Variants in CFAP47 observed in about 807,000 individuals in gnomAD.
CFAP47 encodes the protein cilia- and flagella-associated protein 47.
Under a neutral mutation model 148.1 loss-of-function variants are expected in CFAP47, and 29 were observed. That is an observed-to-expected ratio of 0.20 (90% CI 0.15 to 0.27). The LOEUF (loss-of-function observed/expected upper bound fraction) is 0.27. Among genes scored for constraint, CFAP47 ranks in the 10% least tolerant of loss-of-function variants. The pLI, the probability that CFAP47 is intolerant of heterozygous loss-of-function variation, is 1.00. For missense variants in CFAP47, 1,872 were observed against 1,697.5 expected (o/e 1.10, Z -1.81); for synonymous variants, 664 against 577.3 (o/e 1.15, Z -2.15).
chrX:35,980,091 A>G (rs1461278254), intron 15 of CFAP47, among the ~76,000 whole-genome samples: 1 of 111,878 alleles, frequency 8.9e-6, no homozygotes, highest in Non-Finnish European at 1.9e-5. Flanking sequence ...CTCTGGGGCA[A>G]TAAGCAAGTG....
At position 36,201,319 on chromosome X, in the gene CFAP47, A is replaced by G. The variant is rs902946024; in HGVS notation, c.6482A>G (p.Tyr2161Cys). The G allele has an allele frequency of 3.4e-6, 1 of 295,605 alleles. No homozygotes were observed. Among genetic ancestry groups the G allele is most frequent in the Admixed American group, 6.2e-5 (1 of 16,134 alleles). The allele number at this position is 295,605 out of a possible 1,213,427, so 24.4% of individuals were successfully genotyped here. A position where few individuals can be genotyped will look rare whatever the true frequency, so the allele number is the denominator to read the frequency against. Residue 2161 changes from tyrosine to cysteine, a missense_variant, in exon 44 of 64, where the codon TAT (tyrosine) becomes TGT (cysteine). By Grantham distance (194) the Tyr-to-Cys change is radical. Transcript: ENST00000378653. ...GTTCTGTATTTGAAATGCAAACCCT[A>G]TCAAATCCTGTATGTGGACCTTAAA... ...YPVLYLKCKP[Y>C]QILYVDLKLP...
At chrX:36,343,682 A>G (rs1457645504) in intron 57 of CFAP47, among the ~76,000 whole-genome samples, 2 of 111,915 alleles carry the variant, frequency 1.8e-5, no homozygotes, top group Non-Finnish European at 3.8e-5. Flanking sequence ...GAACCAACCC[A>G]AATGCCCATC....
intron 26 of CFAP47, among the ~76,000 whole-genome samples, chrX:36,055,894 A>G (rs1937550861): frequency 9.1e-6 from 1 of 109,869 alleles, no homozygotes; most frequent in Non-Finnish European, 1.9e-5. Flanking sequence ...TTTGATTTGC[A>G]TTTCTCTAAT....
At chrX:36,296,748 C>G (rs1941246252) in intron 51 of CFAP47, among the ~76,000 whole-genome samples, 1 of 111,730 alleles carries the variant, frequency 9.0e-6, no homozygotes, top group Non-Finnish European at 1.9e-5. Context: ...TCATTTCCAT[C>G]TTCTGTCTTA....
intron 15 of CFAP47, among the ~76,000 whole-genome samples, chrX:35,982,372 T>C (rs899175523): frequency 5.4e-5 from 6 of 111,889 alleles, no homozygotes; most frequent in African/African-American, 1.6e-4. Flanking sequence ...TTTTGTCAGA[T>C]ACGTAGTTTG....
chrX:36,072,590 A>G (rs1458342910), intron 28 of CFAP47, among the ~76,000 whole-genome samples: 3 of 112,318 alleles, frequency 2.7e-5, no homozygotes, highest in Non-Finnish European at 5.6e-5. Context: ...ATTAAATAAT[A>G]TGAGGTTTTT....
chrX:36,166,445 CT>C (rs1362500282), intron 39 of CFAP47, among the ~76,000 whole-genome samples: 2 of 110,827 alleles, frequency 1.8e-5, no homozygotes, highest in Non-Finnish European at 3.8e-5. Context: ...CCATTTGTTT[CT>C]TTTTTTTATA....
chrX:36,087,074 C>T (rs1475995851), intron 30 of CFAP47, among the ~76,000 whole-genome samples: 2 of 111,642 alleles, frequency 1.8e-5, no homozygotes, highest in Admixed American at 9.5e-5. Flanking sequence ...ATGCAGTCAC[C>T]GACCTTCATG....
At chrX:36,244,959 A>C (rs1555996795) in intron 48 of CFAP47, among the ~76,000 whole-genome samples, 1 of 111,790 alleles carries the variant, frequency 8.9e-6, no homozygotes, top group African/African-American at 3.3e-5. Flanking sequence ...AAAAATCCTC[A>C]AAAAAATAAT....
In CFAP47 at chrX:36,022,661, A is replaced by AT. The variant is rs1937173155; in HGVS notation, c.3556+7754dup. Reference sequence around the variant, plus strand: ...CCTGTAAGCATGCTTAATTTTTTTTATTTTTATTTTTATTTTATCTCCTCT... The same window carrying AT: ...CCTGTAAGCATGCTTAATTTTTTTTATTTTTTATTTTTATTTTATCTCCTCT... On this transcript the variant is annotated intron_variant, in intron 22 of 63. Transcript: ENST00000378653. 2.7e-5 allele frequency among the ~76,000 whole-genome samples: 3 copies of AT among 109,477 alleles called. No homozygotes were observed. In the South Asian group the frequency reaches 1.2e-3, roughly 42 times the overall value.
At chrX:36,084,912 G>T (rs1453173025) in intron 29 of CFAP47, among the ~76,000 whole-genome samples, 4 of 111,062 alleles carry the variant, frequency 3.6e-5, no homozygotes, top group Non-Finnish European at 7.6e-5. Flanking sequence ...AATCTATCTT[G>T]GAAACTATTA....
intron 46 of CFAP47, among the ~76,000 whole-genome samples, chrX:36,235,717 C>T (rs781852990): frequency 1.2e-4 from 14 of 112,561 alleles, no homozygotes; most frequent in Admixed American, 7.5e-4. Context: ...GCATCGCTCA[C>T]GCTAGGAGCT....
chrX:36,231,918 T>C (rs1470222479), intron 46 of CFAP47, among the ~76,000 whole-genome samples: 1 of 111,744 alleles, frequency 8.9e-6, no homozygotes, highest in Non-Finnish European at 1.9e-5. Flanking sequence ...ATTACATTTA[T>C]TGATTTGCGT....
intron 46 of CFAP47, among the ~76,000 whole-genome samples, chrX:36,232,098 G>C (rs1940371453): frequency 9.0e-6 from 1 of 111,130 alleles, no homozygotes; most frequent in Non-Finnish European, 1.9e-5. Context: ...TCTCTGCCCG[G>C]CTTTGGTATC....
chrX:36,326,133 A>G (rs185867698), intron 57 of CFAP47, among the ~76,000 whole-genome samples: 2 of 111,509 alleles, frequency 1.8e-5, no homozygotes, highest in Admixed American at 9.6e-5. Flanking sequence ...CAAATATTCT[A>G]TTCATCTATC....
intron 57 of CFAP47, among the ~76,000 whole-genome samples, chrX:36,324,224 C>A (rs1234693937): frequency 9.0e-6 from 1 of 111,497 alleles, no homozygotes; most frequent in African/African-American, 3.2e-5. Context: ...ATTCTTTTTT[C>A]TCTTTTAATA....
chrX:36,353,412 C>CAA (rs1438884870), intron 59 of CFAP47, 117 bp from the exon 60 acceptor site: 19 of 582,678 alleles, frequency 3.3e-5, no homozygotes, highest in Non-Finnish European at 4.6e-5. Flanking sequence ...GATACAATGA[C>CAA]AAGTCAAAGT....
intron 39 of CFAP47, among the ~76,000 whole-genome samples, chrX:36,170,154 T>A (rs1315332156): frequency 9.0e-6 from 1 of 111,671 alleles, no homozygotes. Flanking sequence ...GGAGTTTTTC[T>A]TGGATAAACA....
intron 38 of CFAP47, among the ~76,000 whole-genome samples, chrX:36,160,043 A>G (rs1939411218): frequency 8.9e-6 from 1 of 111,973 alleles, no homozygotes; most frequent in South Asian, 3.7e-4. Flanking sequence ...GATGTATGGT[A>G]CAGAATAAGT....
Sources: allele counts gnomAD v4.1 joint callset (sites outside exome capture counted in the v4.1 genomes callset), GRCh38; gene constraint gnomAD v4.1.1; transcripts MANE v1.5; gene names NCBI Gene and HGNC (gene_info 2026-07-23, HGNC 2026-07-21).